TTC28: variants seen among roughly 807,000 people sequenced by gnomAD.
TTC28 encodes tetratricopeptide repeat protein 28.
TTC28 carries 61 observed loss-of-function variants against 198.0 expected under a neutral mutation model. The ratio of observed to expected loss-of-function variants is 0.31; its 90% CI spans 0.25 to 0.38. The LOEUF is 0.38. Among genes scored for constraint, TTC28 ranks in the 10% least tolerant of loss-of-function variants. TTC28 has a pLI of 1.00. For synonymous variants in TTC28, 1,171 were observed against 1,297.8 expected (o/e 0.90, Z 2.10); for missense variants, 2,678 against 3,164.0 (o/e 0.85, Z 3.69).
chr22:28,677,171 A>ATAT (rs1824580149), intron 1 of TTC28, among the ~76,000 whole-genome samples: 3 of 20,718 alleles, frequency 1.4e-4, no homozygotes, highest in African/African-American at 2.8e-4. Context: ...AAAAAAAAAA[A>ATAT]AAAAATATAT....
At chr22:28,455,831 G>A (rs2047851231) in intron 2 of TTC28, among the ~76,000 whole-genome samples, 2 of 151,914 alleles carry the variant, frequency 1.3e-5, no homozygotes, top group Non-Finnish European at 1.5e-5. Context: ...ATTCAATCTA[G>A]TGATACAACT....
intron 2 of TTC28, among the ~76,000 whole-genome samples, chr22:28,388,679 G>C (rs978795909): frequency 1.3e-4 from 20 of 152,258 alleles, no homozygotes; most frequent in Non-Finnish European, 2.8e-4. Flanking sequence ...TGTGACTTTT[G>C]TACATTGATT....
At chr22:28,505,668 G>A (rs1000284031) in intron 2 of TTC28, among the ~76,000 whole-genome samples, 18 of 152,206 alleles carry the variant, frequency 1.2e-4, no homozygotes, top group Non-Finnish European at 1.8e-4. Flanking sequence ...CAGGCACACA[G>A]AGAAACCCAG....
At chr22:28,351,841 C>T (rs1428209243) in intron 2 of TTC28, among the ~76,000 whole-genome samples, 1 of 152,164 alleles carries the variant, frequency 6.6e-6, no homozygotes, top group East Asian at 1.9e-4. Context: ...ATGGTTGATA[C>T]ACAGGGAGCT....
chr22:28,059,977 C>T (rs1940452154), intron 12 of TTC28, among the ~76,000 whole-genome samples: 1 of 141,744 alleles, frequency 7.1e-6, no homozygotes, highest in Non-Finnish European at 1.6e-5. Flanking sequence ...TTAAAAAATC[C>T]ATTTAACAAT....
chr22:28,409,217 C>T (rs1490655743), intron 2 of TTC28, among the ~76,000 whole-genome samples: 4 of 152,176 alleles, frequency 2.6e-5, no homozygotes, highest in Non-Finnish European at 5.9e-5. Context: ...ATAATCATGT[C>T]TATTGTTTAC....
Position 28,163,405 on chromosome 22 carries a change from G to A in TTC28, c.1128C>T (p.Cys376=). ...TGGCTATCTTCAGATGCTGCTCATGGCACTGCACAGCATTCTCAAAGTCAC... is the reference window on the plus strand; with the variant it reads ...TGGCTATCTTCAGATGCTGCTCATGACACTGCACAGCATTCTCAAAGTCAC... ...AMGDFENAVQ[C]HEQHLKIAKD... Residue 376 remains cysteine (C), a synonymous_variant, in exon 6 of 23, where the codon TGC becomes TGT. Coordinates refer to ENST00000397906, the MANE Select transcript of TTC28 (RefSeq NM_001145418.2). The A allele has an allele frequency of 2.6e-6, 4 of 1,551,932 alleles. No individual in the cohort carries two copies. Among genetic ancestry groups the A allele is most frequent in the Middle Eastern group, 1.7e-4 (1 of 5,992 alleles).
intron 5 of TTC28, among the ~76,000 whole-genome samples, chr22:28,278,635 G>A (rs995493042): frequency 6.6e-6 from 1 of 152,048 alleles, no homozygotes; most frequent in Non-Finnish European, 1.5e-5. Context: ...CTGCTTCATC[G>A]TAGCACTTTC....
chr22:28,347,870 G>A (rs760918237), intron 2 of TTC28, among the ~76,000 whole-genome samples: 5 of 152,214 alleles, frequency 3.3e-5, no homozygotes, highest in Non-Finnish European at 4.4e-5. Flanking sequence ...GTGAGACTCC[G>A]TCTGAAAAGA....
intron 5 of TTC28, among the ~76,000 whole-genome samples, chr22:28,265,890 T>C (rs1214072780): frequency 6.6e-6 from 1 of 152,130 alleles, no homozygotes; most frequent in Non-Finnish European, 1.5e-5. Context: ...TTATTACAAT[T>C]ATTTTAAAAG....
At chr22:28,587,175 G>T (rs2050334187) in intron 2 of TTC28, among the ~76,000 whole-genome samples, 1 of 152,096 alleles carries the variant, frequency 6.6e-6, no homozygotes, top group African/African-American at 2.4e-5. Context: ...TAGGCAACAT[G>T]GTAAAACCCC....
At chr22:28,533,797 C>A (rs777957958) in intron 2 of TTC28, among the ~76,000 whole-genome samples, 8 of 152,116 alleles carry the variant, frequency 5.3e-5, no homozygotes. Context: ...CTGACAAAAA[C>A]AAGAAATGGG....
chr22:28,334,675 C>A (rs182003972), intron 2 of TTC28, among the ~76,000 whole-genome samples: 4 of 152,294 alleles, frequency 2.6e-5, no homozygotes, highest in Admixed American at 2.0e-4. Flanking sequence ...TGTTCATATC[C>A]TTCACCCACT....
intron 5 of TTC28, among the ~76,000 whole-genome samples, chr22:28,244,304 C>T (rs1285421256): frequency 6.6e-6 from 1 of 152,178 alleles, no homozygotes; most frequent in Non-Finnish European, 1.5e-5. Context: ...CTTTAACACA[C>T]AGAATGCTTT....
At chr22:28,494,023 T>C (rs1445367696) in intron 2 of TTC28, among the ~76,000 whole-genome samples, 2 of 152,186 alleles carry the variant, frequency 1.3e-5, no homozygotes, top group Non-Finnish European at 2.9e-5. Context: ...AATGAGACTA[T>C]CAGGGAAATC....
At chr22:28,585,922 C>G (rs1262165509) in intron 2 of TTC28, among the ~76,000 whole-genome samples, 1 of 151,636 alleles carries the variant, frequency 6.6e-6, no homozygotes, top group Non-Finnish European at 1.5e-5. Flanking sequence ...CCCATGTATA[C>G]CTATGTAACA....
At chr22:28,551,966 T>A (rs1251915277) in intron 2 of TTC28, among the ~76,000 whole-genome samples, 1 of 152,128 alleles carries the variant, frequency 6.6e-6, no homozygotes, top group Non-Finnish European at 1.5e-5. Flanking sequence ...TATGATCATA[T>A]ACCTAGAGAA....
intron 5 of TTC28, among the ~76,000 whole-genome samples, chr22:28,225,338 G>A (rs1266678517): frequency 6.8e-6 from 1 of 147,996 alleles, no homozygotes; most frequent in African/African-American, 2.5e-5. Context: ...CTGGGCAACA[G>A]AGTGAGAGAT....
chr22:28,280,662 A>G (rs1268964989), intron 5 of TTC28, among the ~76,000 whole-genome samples: 1 of 152,078 alleles, frequency 6.6e-6, no homozygotes, highest in Non-Finnish European at 1.5e-5. Flanking sequence ...ATTTACCAAC[A>G]TATTTATTAT....
Sources: gnomAD v4.1 joint callset for allele counts (sites outside exome capture counted in the v4.1 genomes callset) on GRCh38, gnomAD v4.1.1 for gene constraint, MANE v1.5 for transcripts, NCBI Gene and HGNC (gene_info 2026-07-23, HGNC 2026-07-21) for gene names.